The following MAP3K3 variants were observed in gnomAD, a reference collection of about 807,000 sequenced individuals.
MAP3K3 encodes the protein MAP/ERK kinase kinase 3.
Under a neutral mutation model 80.9 loss-of-function variants are expected in MAP3K3, and 12 were observed. That is an observed-to-expected ratio of 0.15 (90% CI 0.10 to 0.24). MAP3K3 has a LOEUF of 0.24. Among genes scored for constraint, MAP3K3 ranks in the 10% least tolerant of loss-of-function variants. The pLI is 1.00. For synonymous variants in MAP3K3, 272 were observed against 307.1 expected (o/e 0.89, Z 1.19); for missense variants, 596 against 834.7 (o/e 0.71, Z 3.52).
At chr17:63,690,630 G>A in intron 12 of MAP3K3, 2 of 551,416 alleles carry the variant, frequency 3.6e-6, no homozygotes, top group Non-Finnish European at 6.4e-6. Flanking sequence ...AAGGAACTAA[G>A]CTGATGCCAA....
chr17:63,653,256 C>T (rs1418779471), intron 4 of MAP3K3, among the ~76,000 whole-genome samples: 2 of 152,172 alleles, frequency 1.3e-5, no homozygotes, highest in African/African-American at 4.8e-5. Context: ...GGCTGCTTTC[C>T]CAGCTCCAAG....
chr17:63,690,828 C>G (rs1025713999), intron 12 of MAP3K3, among the ~76,000 whole-genome samples: 2 of 152,206 alleles, frequency 1.3e-5, no homozygotes, highest in African/African-American at 4.8e-5. Context: ...GCTTATACTT[C>G]AAGTTCTGTG....
chr17:63,654,798 G>A (rs2034730249), intron 4 of MAP3K3, among the ~76,000 whole-genome samples: 1 of 152,174 alleles, frequency 6.6e-6, no homozygotes, highest in African/African-American at 2.4e-5. Flanking sequence ...AGCACTTTGG[G>A]AGGCTGAGGC....
At chr17:63,649,507 C>A (rs960632744) in intron 3 of MAP3K3, among the ~76,000 whole-genome samples, 3 of 152,152 alleles carry the variant, frequency 2.0e-5, no homozygotes, top group Non-Finnish European at 4.4e-5. Flanking sequence ...GGAGCCTCCA[C>A]CTCCCAGGCT....
chr17:63,626,081 C>CA (rs1393277798), intron 1 of MAP3K3, among the ~76,000 whole-genome samples: 1 of 151,916 alleles, frequency 6.6e-6, no homozygotes, highest in Non-Finnish European at 1.5e-5. Flanking sequence ...GTCTCTAAAA[C>CA]AAAAAACAAA....
chr17:63,624,278 A>T (rs890610880), intron 1 of MAP3K3, among the ~76,000 whole-genome samples: 8 of 152,166 alleles, frequency 5.3e-5, no homozygotes, highest in Non-Finnish European at 2.9e-5. Flanking sequence ...CTTCGAATTG[A>T]TTTATGAGCC....
In MAP3K3 at chr17:63,652,580, T is replaced by G; in HGVS notation, c.191T>G (p.Val64Gly). 1 of 1,613,860 alleles carries G rather than the reference T, an allele frequency of 6.2e-7. No homozygotes were observed. Among genetic ancestry groups the G allele is most frequent in the Non-Finnish European group, 8.5e-7 (1 of 1,179,736 alleles). The change falls in exon 4 of 16, where the codon GTG becomes GGG. Residue 64 changes from valine (V) to glycine (G), a missense_variant. This residue lies in a region of MAP3K3 where 232 missense variants were observed against 245.8 expected (regional missense o/e 0.94). Transcript: ENST00000361733. ...ERRIIAFSRP[V>G]KYEDVEHKVT... ...AGAATTATAGCGTTCAGCCGGCCTG[T>G]GAAATATGAAGATGTGGAGCACAAG...
intron 6 of MAP3K3, among the ~76,000 whole-genome samples, chr17:63,676,670 A>G (rs1191883550): frequency 7.2e-5 from 11 of 152,230 alleles, no homozygotes; most frequent in Non-Finnish European, 1.5e-4. Context: ...TATGGAATCA[A>G]TGAGGGAAGA....
intron 2 of MAP3K3, 145 bp from the exon 3 acceptor site, chr17:63,645,889 G>T: frequency 1.5e-6 from 1 of 668,478 alleles, no homozygotes; most frequent in Non-Finnish European, 2.8e-6. Context: ...GAATGCCCAT[G>T]CCCATCTGGG....
Position 63,646,016 on chromosome 17 carries a change from T to C in MAP3K3, c.127-18T>C. The C allele has an allele frequency of 6.2e-7, 1 of 1,611,810 alleles. No homozygotes were observed. The highest frequency in any genetic ancestry group is 8.5e-7 in the Non-Finnish European group (1 of 1,177,938). ...ATTCCAGAGAATTCTCTAACCTGTC[T>C]ATCATTCTTTTTGGCAGAGTGACGT... On this transcript the variant is annotated intron_variant, in intron 2 of 15. Coordinates refer to ENST00000361733, the MANE Select transcript of MAP3K3 (RefSeq NM_002401.5).
rs1022437598 is a variant in MAP3K3 at position 63,692,608 on chromosome 17, C to T, written c.1652+189C>T. 6.6e-6 allele frequency among the ~76,000 whole-genome samples: 1 copy of T among 152,216 alleles called. No homozygotes were observed. The highest frequency in any genetic ancestry group is 2.4e-5 in the African/African-American group (1 of 41,446). On this transcript the variant is annotated intron_variant, in intron 15 of 15. Coordinates refer to ENST00000361733, the MANE Select transcript of MAP3K3 (RefSeq NM_002401.5). This position sits in a 1 kb window ranked among gnomAD's most constrained non-coding sequence, Gnocchi z 4.5. ...CATGGGTGGTGCTCAAAGCACACTC[C>T]ATTAGAGCTGGGAACTTAGGCCATG...
intron 6 of MAP3K3, among the ~76,000 whole-genome samples, chr17:63,670,466 C>A (rs1266040145): frequency 2.6e-5 from 4 of 151,666 alleles, no homozygotes; most frequent in Admixed American, 6.6e-5. Flanking sequence ...GCCTCTAGTC[C>A]CAGCTACTCA....
intron 3 of MAP3K3, among the ~76,000 whole-genome samples, chr17:63,651,453 G>A (rs554912647): frequency 2.6e-5 from 4 of 152,066 alleles, no homozygotes; most frequent in Non-Finnish European, 5.9e-5. Context: ...CAGCCTAGGT[G>A]ACAGAACGAG....
At position 63,676,732 on chromosome 17, in the gene MAP3K3, T is replaced by A. The variant is rs140132523; in HGVS notation, c.503-5034T>A. ...ACACCACAGAGCGTCCTCCCTCTTC[T>A]GTAATCAGGAAGCCACCGGTCCAGA... On this transcript the variant is annotated intron_variant, in intron 6 of 15. Transcript: ENST00000361733. Among the ~76,000 whole-genome samples the A allele has an allele frequency of 7.2e-5, 11 of 152,296 alleles. 1 individual carries two copies. Among genetic ancestry groups the A allele is most frequent in the Middle Eastern group, 3.4e-3 (1 of 294 alleles).
At chr17:63,651,784 A>T (rs974505854) in intron 3 of MAP3K3, among the ~76,000 whole-genome samples, 2 of 152,234 alleles carry the variant, frequency 1.3e-5, no homozygotes, top group Non-Finnish European at 2.9e-5. Context: ...ATGCACAGAT[A>T]TGTCACTGGT....
At position 63,691,590 on chromosome 17, in the gene MAP3K3, G is replaced by C; in HGVS notation, c.1345-143G>C. 3 of 1,242,782 alleles carry C rather than the reference G, an allele frequency of 2.4e-6. No individual in the cohort carries two copies. The highest frequency in any genetic ancestry group is 2.9e-4 in the Middle Eastern group (1 of 3,450). 77.0% of individuals were successfully genotyped at this position (1,242,782 alleles called of 1,614,324 possible). ...GGGTACTCTCTTTTCCAAACTGCCT[G>C]ACAGCTCCTGGCAAAATGCCCTGCC... On this transcript the variant is annotated intron_variant, in intron 13 of 15. Coordinates refer to ENST00000361733, the MANE Select transcript of MAP3K3 (RefSeq NM_002401.5). The surrounding 1 kb of genome is among the most constrained non-coding windows in gnomAD (Gnocchi z 4.8).
At chr17:63,651,044 T>C (rs968740969) in intron 3 of MAP3K3, among the ~76,000 whole-genome samples, 10 of 152,172 alleles carry the variant, frequency 6.6e-5, no homozygotes, top group Admixed American at 2.0e-4. Context: ...TTCTTTCTTA[T>C]ATTCTTTTCT....
chr17:63,634,691 GT>G, intron 2 of MAP3K3: 2 of 1,602,588 alleles, frequency 1.2e-6, no homozygotes, highest in Non-Finnish European at 1.7e-6. Flanking sequence ...ATTAACCTCA[GT>G]TTTTTTGTTT....
intron 3 of MAP3K3, among the ~76,000 whole-genome samples, chr17:63,651,813 A>C (rs921678794): frequency 6.6e-6 from 1 of 152,202 alleles, no homozygotes; most frequent in South Asian, 2.1e-4. Flanking sequence ...CTGATCAGGC[A>C]TATCACTAAC....
Sources: gnomAD v4.1 joint callset for allele counts (sites outside exome capture counted in the v4.1 genomes callset) on GRCh38, gnomAD v4.1.1 for gene constraint, gnomAD v4.1.1 regional missense constraint, Gnocchi (gnomAD v3.1) non-coding constraint, MANE v1.5 for transcripts, NCBI Gene and HGNC (gene_info 2026-07-23, HGNC 2026-07-21) for gene names.